Variants in RPTOR observed in about 807,000 individuals in gnomAD.
The protein encoded by RPTOR is regulatory associated protein of MTOR complex 1.
Under a neutral mutation model 169.9 loss-of-function variants are expected in RPTOR, and 21 were observed. The ratio of observed to expected loss-of-function variants is 0.12; its 90% CI spans 0.09 to 0.18. The LOEUF is 0.18. Among genes scored for constraint, RPTOR ranks in the 10% least tolerant of loss-of-function variants. The pLI is 1.00. For synonymous variants in RPTOR, 732 were observed against 753.2 expected (o/e 0.97, Z 0.46); for missense variants, 1,133 against 1,855.9 (o/e 0.61, Z 7.16).
At chr17:80,554,428 C>G (rs1274016473) in intron 1 of RPTOR, among the ~76,000 whole-genome samples, 2 of 151,976 alleles carry the variant, frequency 1.3e-5, no homozygotes, top group Non-Finnish European at 2.9e-5. Context: ...TGTATTTCAA[C>G]CCATTGAATG....
chr17:80,846,388 G>C, intron 10 of RPTOR, 85 bp from the exon 11 acceptor site: 2 of 1,361,410 alleles, frequency 1.5e-6, no homozygotes, highest in East Asian at 4.6e-5. Flanking sequence ...TGAAGGCTTG[G>C]ATGCCCGGCA....
chr17:80,880,074 C>G (rs2068168930), intron 13 of RPTOR, among the ~76,000 whole-genome samples: 1 of 152,024 alleles, frequency 6.6e-6, no homozygotes, highest in Non-Finnish European at 1.5e-5. Flanking sequence ...TGGATGTGCT[C>G]CAGTGTGGAG....
chr17:80,652,912 T>C (rs1404286878), intron 3 of RPTOR, among the ~76,000 whole-genome samples: 1 of 152,230 alleles, frequency 6.6e-6, no homozygotes, highest in Non-Finnish European at 1.5e-5. Flanking sequence ...CTTTCTGTAT[T>C]CTTACATTGT....
intron 20 of RPTOR, among the ~76,000 whole-genome samples, chr17:80,894,715 G>C (rs996752978): frequency 6.6e-6 from 1 of 152,178 alleles, no homozygotes; most frequent in African/African-American, 2.4e-5. Flanking sequence ...TCATGTTAAG[G>C]AGCATTTTAG....
In RPTOR at chr17:80,711,744, CTT is replaced by C. The variant is rs1226456124; in HGVS notation, c.507+3760_507+3761del. Among the ~76,000 whole-genome samples, 13 of 88,806 alleles carry C rather than the reference CTT, an allele frequency of 1.5e-4. 1 individual carries two copies. Among genetic ancestry groups the C allele is most frequent in the East Asian group, 6.3e-4 (2 of 3,170 alleles). The allele number at this position is 88,806 out of a possible 152,430, so 58.3% of individuals were successfully genotyped here. On this transcript the variant is annotated intron_variant, in intron 4 of 33. Transcript: ENST00000306801. ...AGTTAACATATAGTTATACATCAGT[CTT>C]TTTTTTTTTTTTTTGAGGTTAAGTC...
Position 80,947,429 on chromosome 17 carries a change from T to A in RPTOR, c.3265+78T>A. The A allele has an allele frequency of 7.0e-7, 1 of 1,438,204 alleles. No homozygotes were observed. Among genetic ancestry groups the A allele is most frequent in the Non-Finnish European group, 9.1e-7 (1 of 1,094,198 alleles). The allele number at this position is 1,438,204 out of a possible 1,614,324, so 89.1% of individuals were successfully genotyped here. A position where few individuals can be genotyped will look rare whatever the true frequency, so the allele number is the denominator to read the frequency against. The stretch of plus-strand genomic sequence containing the variant: ...GGGGAGGGTGTGTGATCCTGAGATG[T>A]GTTTGTACATCTGTCTTACAGAAAG... On this transcript the variant is annotated intron_variant, in intron 27 of 33. Transcript: ENST00000306801. The surrounding 1 kb of genome is among the most constrained non-coding windows in gnomAD (Gnocchi z 4.4).
chr17:80,888,382 C>A (rs964971002), intron 17 of RPTOR, among the ~76,000 whole-genome samples: 3 of 152,224 alleles, frequency 2.0e-5, no homozygotes, highest in Admixed American at 2.0e-4. Flanking sequence ...AGGCCTTGGT[C>A]TCCCAAGATG....
At chr17:80,880,324 C>T in intron 13 of RPTOR, 91 bp from the exon 14 acceptor site, 1 of 1,069,644 alleles carries the variant, frequency 9.3e-7, no homozygotes, top group East Asian at 2.4e-5. Flanking sequence ...TATAAGAAGT[C>T]CCTGCCCTTA....
At chr17:80,935,968 A>G (rs1378206268) in intron 24 of RPTOR, among the ~76,000 whole-genome samples, 5 of 152,356 alleles carry the variant, frequency 3.3e-5, no homozygotes, top group Middle Eastern at 3.4e-3. Context: ...TAAGATTAAG[A>G]TCTTGTGGCT....
At chr17:80,824,696 G>T (rs1286626866) in intron 9 of RPTOR, among the ~76,000 whole-genome samples, 1 of 152,272 alleles carries the variant, frequency 6.6e-6, no homozygotes, top group African/African-American at 2.4e-5. Flanking sequence ...TCGGAGCGGG[G>T]TGGGCAGGGC....
intron 3 of RPTOR, among the ~76,000 whole-genome samples, chr17:80,648,084 A>G (rs894278910): frequency 6.6e-6 from 1 of 152,168 alleles, no homozygotes; most frequent in Non-Finnish European, 1.5e-5. Flanking sequence ...AGAGAACAAA[A>G]CAGCTCCCAA....
chr17:80,680,107 G>A (rs2065887455), intron 3 of RPTOR, among the ~76,000 whole-genome samples: 1 of 152,204 alleles, frequency 6.6e-6, no homozygotes, highest in Non-Finnish European at 1.5e-5. Context: ...TCCTCAGCCT[G>A]CTGGCTCTTC....
chr17:80,925,327 G>A (rs1377178320), intron 23 of RPTOR, 43 bp from the exon 24 acceptor site: 1 of 1,534,254 alleles, frequency 6.5e-7, no homozygotes. Flanking sequence ...ATGACTGACT[G>A]GTGTTTCTTT....
intron 7 of RPTOR, among the ~76,000 whole-genome samples, chr17:80,810,227 A>G (rs371815809): frequency 6.6e-5 from 10 of 151,964 alleles, no homozygotes; most frequent in African/African-American, 2.2e-4. Flanking sequence ...AAGATTTTCT[A>G]TTTTTTTCTA....
At position 80,823,192 on chromosome 17, in the gene RPTOR, C is replaced by T. The variant is rs144071963; in HGVS notation, c.1105C>T (p.Arg369Cys). ...TAACTGCACTCCCGTCAGCAGCCCG[C>T]GTCTGCCGCCCACGTACATGCACGC... ...SYNCTPVSSP[R>C]LPPTYMHAMW... Residue 369 changes from arginine (R) to cysteine (C), a missense_variant, in exon 9 of 34, where the codon CGT (arginine) becomes TGT (cysteine). Coordinates refer to ENST00000306801, the MANE Select transcript of RPTOR (RefSeq NM_020761.3). This position sits in a 1 kb window ranked among gnomAD's most constrained non-coding sequence, Gnocchi z 4.5. 3.1e-6 allele frequency: 5 copies of T among 1,614,132 alleles called. No homozygotes were observed. The highest frequency in any genetic ancestry group is 4.2e-6 in the Non-Finnish European group (5 of 1,180,008).
intron 9 of RPTOR, among the ~76,000 whole-genome samples, chr17:80,834,500 C>T (rs1292741651): frequency 6.6e-6 from 1 of 152,194 alleles, no homozygotes; most frequent in Non-Finnish European, 1.5e-5. Flanking sequence ...AAACCAGAAC[C>T]ATCTGGGGCT....
At chr17:80,673,471 T>C (rs538063907) in intron 3 of RPTOR, among the ~76,000 whole-genome samples, 25 of 152,328 alleles carry the variant, frequency 1.6e-4, no homozygotes, top group African/African-American at 6.0e-4. Flanking sequence ...ATTTTTCTGC[T>C]CAAGCTTAGG....
At chr17:80,819,288 T>C (rs2067355550) in intron 7 of RPTOR, among the ~76,000 whole-genome samples, 1 of 152,228 alleles carries the variant, frequency 6.6e-6, no homozygotes, top group Non-Finnish European at 1.5e-5. Flanking sequence ...AGGAAGGGTA[T>C]CCCCATGATC....
chr17:80,857,263 G>T (rs1445391441), intron 12 of RPTOR, among the ~76,000 whole-genome samples: 1 of 152,244 alleles, frequency 6.6e-6, no homozygotes, highest in African/African-American at 2.4e-5. Context: ...GCTCCTCCCT[G>T]CCTTTCCCAG....
Sources: gnomAD v4.1 joint callset for allele counts (sites outside exome capture counted in the v4.1 genomes callset) on GRCh38, gnomAD v4.1.1 for gene constraint, Gnocchi (gnomAD v3.1) non-coding constraint, MANE v1.5 for transcripts, NCBI Gene and HGNC (gene_info 2026-07-23, HGNC 2026-07-21) for gene names.